The following AHCTF1 variants were observed in gnomAD, a reference collection of about 807,000 sequenced individuals.
The protein encoded by AHCTF1 is protein ELYS.
AHCTF1 carries 24 observed loss-of-function variants against 248.4 expected under a neutral mutation model. The ratio of observed to expected loss-of-function variants is 0.10; its 90% CI spans 0.07 to 0.14. The LOEUF (loss-of-function observed/expected upper bound fraction) is 0.14, where lower values mean the gene tolerates loss of function less well. Ranked by LOEUF, AHCTF1 falls within the 10% of genes least tolerant of loss-of-function variation. The probability of loss-of-function intolerance (pLI) is 1.00; values close to 1 mark genes in which losing one functional copy is unlikely to be tolerated. For missense variants in AHCTF1, 2,206 were observed against 2,636.2 expected, an observed-to-expected ratio of 0.84 and a Z score of 3.57; for synonymous variants, 786 against 929.8, an observed-to-expected ratio of 0.85 and a Z score of 2.81.
intron 26 of AHCTF1, 143 bp from the exon 27 acceptor site, chr1:246,864,259 C>T (rs909195572): frequency 1.2e-6 from 1 of 813,138 alleles, no homozygotes; most frequent in Non-Finnish European, 1.9e-6. Context: ...ATCCAAAGTG[C>T]TACCATGCAT....
intron 4 of AHCTF1, 82 bp downstream of exon 4, chr1:246,913,150 A>T (rs897973925): frequency 8.9e-6 from 11 of 1,236,146 alleles, no homozygotes; most frequent in Non-Finnish European, 1.2e-5. Context: ...CAGCTGCTAT[A>T]AAAAAATTTG....
intron 29 of AHCTF1, 104 bp from the exon 30 acceptor site, chr1:246,857,918 T>C: frequency 1.9e-6 from 2 of 1,054,878 alleles, no homozygotes; most frequent in South Asian, 3.3e-5. Context: ...TGCTTTTTTG[T>C]TCTTTTAGGT....
At chr1:246,867,131 A>G in intron 26 of AHCTF1, 113 bp downstream of exon 26, 1 of 617,178 alleles carries the variant, frequency 1.6e-6, no homozygotes, top group South Asian at 3.5e-5. Context: ...AGCAAACATT[A>G]AAATATTCAT....
chr1:246,901,156 C>T (rs1387007123), intron 8 of AHCTF1, among the ~76,000 whole-genome samples: 1 of 151,974 alleles, frequency 6.6e-6, no homozygotes, highest in African/African-American at 2.4e-5. Context: ...CCAGGCAACA[C>T]AGCAAAAACC....
chr1:246,858,845 A>T (rs1214271746), intron 29 of AHCTF1, among the ~76,000 whole-genome samples: 2 of 152,176 alleles, frequency 1.3e-5, no homozygotes, highest in African/African-American at 4.8e-5. Context: ...AGACTGCCTA[A>T]TATTGTAAGA....
Position 246,928,533 on chromosome 1 carries a change from C to T in AHCTF1, c.-8+3045G>A, listed in dbSNP as rs141864056. On this transcript the variant is annotated intron_variant, in intron 1 of 35. Transcript: ENST00000648844. ...AAATAGGCATGTTAAACAATAAAAT[C>T]AATTTTTTAAAACTCAAGATTGGGC... 4.2e-3 allele frequency among the ~76,000 whole-genome samples: 642 copies of T among 152,074 alleles called. 7 individuals carry two copies. The highest frequency in any genetic ancestry group is 0.015 in the African/African-American group (623 of 41,504).
rs546448150 is a variant in AHCTF1, at chr1:246,843,824, A to C, written c.6496T>G (p.Ser2166Ala). The change falls in exon 34 of 36, where the codon TCC becomes GCC. Residue 2166 changes from serine to alanine, a missense_variant. Transcript: ENST00000648844. ...TCATCTTCAAGCTTGTTCTTATTGGATGTGTTTTTTTGTCTGCTCCTTAAA... is the reference window on the plus strand; with the variant it reads ...TCATCTTCAAGCTTGTTCTTATTGGCTGTGTTTTTTTGTCTGCTCCTTAAA... ...PALRSRQKNT[S>A]NKNKLEDELK... The C allele has an allele frequency of 1.4e-6, 2 of 1,479,806 alleles. No individual in the cohort carries two copies. The highest frequency in any genetic ancestry group is 2.5e-5 in the East Asian group (1 of 40,488). 91.7% of individuals were successfully genotyped at this position (1,479,806 alleles called of 1,614,324 possible).
In AHCTF1 at chr1:246,898,272, C is replaced by T. The variant is rs750243290; in HGVS notation, c.1559G>A (p.Arg520Gln). The change falls in exon 12 of 36, where the codon CGA becomes CAA. Residue 520 changes from arginine (R) to glutamine (Q), a missense_variant. Arg to Gln is a conservative substitution (Grantham distance 43). Transcript: ENST00000648844. ...GGAAAGAAGGCCAGCTACAAGACATCGATTATAACCATCAGGAATGAGTTC... is the reference window on the plus strand; with the variant it reads ...GGAAAGAAGGCCAGCTACAAGACATTGATTATAACCATCAGGAATGAGTTC... ...LNELIPDGYN[R>Q]CLVAGLLSPR... 2.6e-5 allele frequency: 42 copies of T among 1,612,480 alleles called. No individual in the cohort carries two copies. The highest frequency in any genetic ancestry group is 5.0e-5 in the Admixed American group (3 of 59,994).
At chr1:246,925,018 A>G (rs939046399) in intron 1 of AHCTF1, among the ~76,000 whole-genome samples, 16 of 152,228 alleles carry the variant, frequency 1.1e-4, no homozygotes, top group Non-Finnish European at 2.4e-4. Context: ...TTAGAGAAAC[A>G]GATGGAAAAG....
intron 12 of AHCTF1, among the ~76,000 whole-genome samples, chr1:246,897,751 T>G (rs1189268154): frequency 6.6e-6 from 1 of 151,160 alleles, no homozygotes; most frequent in African/African-American, 2.4e-5. Flanking sequence ...GATGCCAAGG[T>G]GGGAGGGTAA....
At position 246,851,053 on chromosome 1, in the gene AHCTF1, G is replaced by A; in HGVS notation, c.4953C>T (p.Ser1651=). The A allele has an allele frequency of 6.2e-7, 1 of 1,613,704 alleles. No individual in the cohort carries two copies. The highest frequency in any genetic ancestry group is 8.5e-7 in the Non-Finnish European group (1 of 1,179,834). Residue 1651 remains serine, a synonymous_variant, in exon 33 of 36, where the codon TCC becomes TCT. Coordinates refer to ENST00000648844, the MANE Select transcript of AHCTF1 (RefSeq NM_001323342.2). ...CATATGGTAAAGTGTCTACTTTTTG[G>A]GACTTTTGGTCACTAGTTACGGCAG... ...LPSAVTSDQK[S]QKVDTLPYVP... is the part of the protein sequence containing the mutation.
chr1:246,895,994 G>T (rs1191206453), intron 12 of AHCTF1, 69 bp from the exon 13 acceptor site: 4 of 1,338,054 alleles, frequency 3.0e-6, no homozygotes, highest in Non-Finnish European at 4.2e-6. Context: ...GCAAGTTCTG[G>T]TTTAGAATTT....
intron 26 of AHCTF1, among the ~76,000 whole-genome samples, chr1:246,866,232 C>T (rs1558227848): frequency 6.6e-6 from 1 of 152,158 alleles, no homozygotes; most frequent in African/African-American, 2.4e-5. Flanking sequence ...GGGCCTCAGG[C>T]CATTAATCAA....
At chr1:246,862,663 C>A (rs1004319413) in intron 27 of AHCTF1, among the ~76,000 whole-genome samples, 2 of 152,116 alleles carry the variant, frequency 1.3e-5, no homozygotes, top group Non-Finnish European at 2.9e-5. Flanking sequence ...AAAACTGCAT[C>A]CATCTTTCTA....
chr1:246,904,703 G>A (rs1026271503), intron 6 of AHCTF1, among the ~76,000 whole-genome samples: 8 of 152,138 alleles, frequency 5.3e-5, no homozygotes, highest in East Asian at 1.9e-4. Flanking sequence ...ACTCAAGCAC[G>A]AAGCATGCAG....
chr1:246,875,771 T>C (rs959235636), intron 24 of AHCTF1, among the ~76,000 whole-genome samples: 2 of 152,170 alleles, frequency 1.3e-5, no homozygotes, highest in Non-Finnish European at 2.9e-5. Context: ...AAAATTAAGG[T>C]ATGTACACTG....
At chr1:246,868,763 G>A (rs1035765788) in intron 24 of AHCTF1, among the ~76,000 whole-genome samples, 10 of 151,798 alleles carry the variant, frequency 6.6e-5, no homozygotes, top group Admixed American at 1.3e-4. Context: ...TTACAGAGCA[G>A]CCAATAAAAA....
intron 14 of AHCTF1, among the ~76,000 whole-genome samples, chr1:246,892,789 G>C (rs879510367): frequency 3.4e-5 from 5 of 146,350 alleles, no homozygotes; most frequent in Non-Finnish European, 7.4e-5. Context: ...GTGCCACCCT[G>C]CCCAGCTAAT....
At chr1:246,866,757 A>T (rs1174996303) in intron 26 of AHCTF1, among the ~76,000 whole-genome samples, 1 of 152,174 alleles carries the variant, frequency 6.6e-6, no homozygotes, top group Admixed American at 6.5e-5. Flanking sequence ...CAACTAACCA[A>T]TGCTCGTAAG....
Sources: gnomAD v4.1 joint callset for allele counts (sites outside exome capture counted in the v4.1 genomes callset) on GRCh38, gnomAD v4.1.1 for gene constraint, MANE v1.5 for transcripts, NCBI Gene and HGNC (gene_info 2026-07-23, HGNC 2026-07-21) for gene names.